The following PKNOX2 variants were observed in gnomAD, a reference collection of about 807,000 sequenced individuals.
PKNOX2 encodes homeobox protein PKNOX2.
PKNOX2 carries 14 observed loss-of-function variants against 53.1 expected under a neutral mutation model. That is an observed-to-expected ratio of 0.26 (90% CI 0.17 to 0.41). The LOEUF is 0.41. PKNOX2 is among the 10% of genes least tolerant of loss of function. PKNOX2 has a pLI of 1.00. For missense variants in PKNOX2, 496 were observed against 602.8 expected (o/e 0.82, Z 1.85); for synonymous variants, 257 against 242.8 (o/e 1.06, Z -0.54).
intron 7 of PKNOX2, among the ~76,000 whole-genome samples, chr11:125,400,225 T>C (rs1954659775): frequency 6.6e-6 from 1 of 152,106 alleles, no homozygotes; most frequent in Admixed American, 6.5e-5. Flanking sequence ...TAGTGAGGTA[T>C]TCCTACTTGG....
At chr11:125,255,051 T>C (rs778938147) in intron 2 of PKNOX2, among the ~76,000 whole-genome samples, 9 of 152,214 alleles carry the variant, frequency 5.9e-5, no homozygotes, top group Admixed American at 3.3e-4. Context: ...CTTTCAGGGT[T>C]TGCTGTCTAG....
At position 125,403,503 on chromosome 11, in the gene PKNOX2, T is replaced by C. The variant is rs114807776; in HGVS notation, c.588+5441T>C. Among the ~76,000 whole-genome samples the C allele has an allele frequency of 3.4e-3, 512 of 152,306 alleles. 3 individuals are homozygous for C. Among genetic ancestry groups the C allele is most frequent in the African/African-American group, 0.012 (493 of 41,554 alleles). On this transcript the variant is annotated intron_variant, in intron 7 of 12. Transcript: ENST00000298282. ...GGTGCTTTCCACAGATTATCTAATT[T>C]ACTCTTCATGACAGGCTGCAAGGTA...
intron 9 of PKNOX2, chr11:125,411,082 G>T (rs182983309): frequency 9.4e-6 from 5 of 529,294 alleles, no homozygotes; most frequent in African/African-American, 7.7e-5. Context: ...CCCTCCTGGG[G>T]TTACATCAAA....
chr11:125,248,873 ACG>A (rs1177894847), intron 2 of PKNOX2, among the ~76,000 whole-genome samples: 118 of 137,484 alleles, frequency 8.6e-4, no homozygotes, highest in African/African-American at 3.0e-3. Context: ...TATATATATA[ACG>A]TATATATATA....
intron 4 of PKNOX2, among the ~76,000 whole-genome samples, chr11:125,366,852 G>A (rs375069547): frequency 2.6e-5 from 4 of 152,218 alleles, no homozygotes; most frequent in Admixed American, 6.5e-5. Context: ...CATTTTCTCC[G>A]CAAGTATTTT....
intron 2 of PKNOX2, among the ~76,000 whole-genome samples, chr11:125,323,832 T>C (rs1375983569): frequency 6.6e-6 from 1 of 151,716 alleles, no homozygotes; most frequent in African/African-American, 2.4e-5. Context: ...TGCCTTTGTG[T>C]GTCTGTGACA....
At chr11:125,208,607 T>C (rs1008619426) in intron 1 of PKNOX2, among the ~76,000 whole-genome samples, 1 of 151,950 alleles carries the variant, frequency 6.6e-6, no homozygotes, top group Non-Finnish European at 1.5e-5. Flanking sequence ...GAGAGACGTA[T>C]GTGGAAATTG....
chr11:125,303,233 C>G (rs1289422702), intron 2 of PKNOX2, among the ~76,000 whole-genome samples: 1 of 152,208 alleles, frequency 6.6e-6, no homozygotes, highest in Non-Finnish European at 1.5e-5. Context: ...TTTTCATAGC[C>G]TTTTCACATT....
chr11:125,380,997 C>T (rs566675397), intron 5 of PKNOX2, among the ~76,000 whole-genome samples: 1 of 152,298 alleles, frequency 6.6e-6, no homozygotes, highest in Non-Finnish European at 1.5e-5. Flanking sequence ...TTGGGAACAG[C>T]TTGCGAGAAG....
chr11:125,315,303 G>GAAAACAAAAA (rs1949088613), intron 2 of PKNOX2, among the ~76,000 whole-genome samples: 6 of 79,442 alleles, frequency 7.6e-5, no homozygotes, highest in African/African-American at 2.3e-4. Context: ...TGTGAAGCAG[G>GAAAACAAAAA]AAAAAAAAAA....
chr11:125,232,828 C>CTTTT (rs536884769), intron 1 of PKNOX2, among the ~76,000 whole-genome samples: 48 of 135,652 alleles, frequency 3.5e-4, no homozygotes, highest in African/African-American at 1.3e-3. Context: ...TAATCCAAGT[C>CTTTT]TTTTTTTTTT....
intron 2 of PKNOX2, among the ~76,000 whole-genome samples, chr11:125,236,072 G>A (rs937992321): frequency 4.6e-5 from 7 of 152,186 alleles, no homozygotes; most frequent in South Asian, 2.1e-4. Context: ...ATGATTAACC[G>A]TTATCAGCGC....
At chr11:125,356,083 A>C (rs1215176115) in intron 4 of PKNOX2, among the ~76,000 whole-genome samples, 1 of 148,542 alleles carries the variant, frequency 6.7e-6, no homozygotes, top group East Asian at 2.1e-4. Flanking sequence ...CTGTTCCACA[A>C]ATATCTTTGC....
At chr11:125,413,098 C>T (rs557164358) in intron 10 of PKNOX2, among the ~76,000 whole-genome samples, 2 of 152,268 alleles carry the variant, frequency 1.3e-5, no homozygotes, top group South Asian at 2.1e-4. Context: ...CCTCTGGGGG[C>T]GTGGGGCTGC....
intron 2 of PKNOX2, among the ~76,000 whole-genome samples, chr11:125,283,002 A>G (rs541934544): frequency 2.2e-4 from 34 of 152,200 alleles, no homozygotes; most frequent in South Asian, 6.2e-4. Flanking sequence ...AAATACAAAA[A>G]TTAGCCAGGT....
chr11:125,390,089 C>T (rs1358334379), intron 6 of PKNOX2, among the ~76,000 whole-genome samples: 2 of 152,194 alleles, frequency 1.3e-5, no homozygotes, highest in African/African-American at 4.8e-5. Context: ...AGCAGAAAAT[C>T]CCACAGACAC....
chr11:125,303,924 TCTC>T (rs1234857734), intron 2 of PKNOX2, among the ~76,000 whole-genome samples: 1 of 152,222 alleles, frequency 6.6e-6, no homozygotes, highest in African/African-American at 2.4e-5. Context: ...AACATTCTCT[TCTC>T]GGCTTCCCCC....
intron 2 of PKNOX2, among the ~76,000 whole-genome samples, chr11:125,279,444 G>A (rs1946404675): frequency 6.6e-6 from 1 of 152,208 alleles, no homozygotes; most frequent in Admixed American, 6.5e-5. Context: ...GGCCTCGCAT[G>A]TCAGATGAGG....
chr11:125,248,841 C>T (rs1179822363), intron 2 of PKNOX2, among the ~76,000 whole-genome samples: 1 of 145,078 alleles, frequency 6.9e-6, no homozygotes, highest in Non-Finnish European at 1.5e-5. Context: ...AGTGATCCTC[C>T]ATCCATATAA....
Sources: gnomAD v4.1 joint callset for allele counts (sites outside exome capture counted in the v4.1 genomes callset) on GRCh38, gnomAD v4.1.1 for gene constraint, MANE v1.5 for transcripts, NCBI Gene and HGNC (gene_info 2026-07-23, HGNC 2026-07-21) for gene names.